LRRTM4: variants seen among roughly 807,000 people sequenced by gnomAD.
The protein encoded by LRRTM4 is leucine-rich repeat transmembrane neuronal protein 4.
A neutral mutation model predicts 47.6 loss-of-function variants in LRRTM4; 25 were observed. That is an observed-to-expected ratio of 0.53 (90% CI 0.38 to 0.73). LRRTM4 has a LOEUF of 0.73. LRRTM4 is among the 30% of genes least tolerant of loss of function. The pLI is 0.00. For missense variants in LRRTM4, 638 were observed against 713.4 expected (o/e 0.89, Z 1.20); for synonymous variants, 311 against 269.5 (o/e 1.15, Z -1.51).
chr2:77,334,530 C>T (rs551118020), intron 3 of LRRTM4, among the ~76,000 whole-genome samples: 4 of 152,168 alleles, frequency 2.6e-5, no homozygotes, highest in Admixed American at 6.5e-5. Flanking sequence ...TCTCTCTTTG[C>T]CTGCTGCCAT....
intron 3 of LRRTM4, among the ~76,000 whole-genome samples, chr2:76,816,096 G>A (rs1271888953): frequency 2.6e-5 from 4 of 152,058 alleles, no homozygotes; most frequent in African/African-American, 9.7e-5. Context: ...AGTCTGTACT[G>A]TATCCTCCCT....
intron 3 of LRRTM4, among the ~76,000 whole-genome samples, chr2:76,893,105 T>A (rs1673306964): frequency 6.6e-6 from 1 of 150,736 alleles, no homozygotes; most frequent in Non-Finnish European, 1.5e-5. Context: ...CCTGACCACG[T>A]AATTTGAATT....
rs768577274 is a variant in LRRTM4 at position 77,130,824 on chromosome 2, A to ATTTTTTTTTTTTTT, written c.1552-381922_1552-381909dup. On this transcript the variant is annotated intron_variant, in intron 3 of 3. Coordinates refer to ENST00000409884, the MANE Select transcript of LRRTM4 (RefSeq NM_001134745.3). ...CCGTGCCCGGCCAATTATTTGTTCT[A>ATTTTTTTTTTTTTT]TTTTTTTTTTTTTTTTTTTTTTTTT... Among the ~76,000 whole-genome samples the ATTTTTTTTTTTTTT allele has an allele frequency of 5.1e-4, 18 of 35,634 alleles. 2 individuals are homozygous for ATTTTTTTTTTTTTT. Among genetic ancestry groups the ATTTTTTTTTTTTTT allele is most frequent in the Non-Finnish European group, 5.2e-4 (11 of 20,974 alleles). The allele number at this position is 35,634 out of a possible 152,430, so 23.4% of individuals were successfully genotyped here.
intron 3 of LRRTM4, among the ~76,000 whole-genome samples, chr2:76,928,496 A>G (rs1183727657): frequency 1.3e-5 from 2 of 152,150 alleles, no homozygotes; most frequent in African/African-American, 2.4e-5. Flanking sequence ...TTTTGATGAT[A>G]TAGAACAATC....
At chr2:77,502,483 T>G (rs1303710865) in intron 3 of LRRTM4, among the ~76,000 whole-genome samples, 1 of 151,494 alleles carries the variant, frequency 6.6e-6, no homozygotes, top group African/African-American at 2.4e-5. Context: ...AAATAAAAAT[T>G]TATAAAGAAG....
At chr2:76,883,268 G>C (rs1243388920) in intron 3 of LRRTM4, among the ~76,000 whole-genome samples, 1 of 152,168 alleles carries the variant, frequency 6.6e-6, no homozygotes, top group Non-Finnish European at 1.5e-5. Context: ...GTCTGTGCTA[G>C]TATGAGCCCC....
At chr2:76,800,018 T>C (rs377404912) in intron 3 of LRRTM4, among the ~76,000 whole-genome samples, 4,184 of 149,384 alleles carry the variant, frequency 0.028, 100 homozygotes, top group Non-Finnish European at 0.046. Flanking sequence ...GTGAAAATGG[T>C]CATACTGCCC....
At chr2:77,287,659 C>T (rs1676702273) in intron 3 of LRRTM4, among the ~76,000 whole-genome samples, 1 of 152,072 alleles carries the variant, frequency 6.6e-6, no homozygotes, top group African/African-American at 2.4e-5. Context: ...TCTTTATCCA[C>T]TACAGAGTGG....
At chr2:77,052,100 C>G (rs907345411) in intron 3 of LRRTM4, among the ~76,000 whole-genome samples, 4 of 133,116 alleles carry the variant, frequency 3.0e-5, no homozygotes, top group South Asian at 2.4e-4. Flanking sequence ...CAAAGGAATA[C>G]AAAAGGATTC....
chr2:76,971,817 A>G (rs559793853), intron 3 of LRRTM4, among the ~76,000 whole-genome samples: 34 of 152,158 alleles, frequency 2.2e-4, no homozygotes, highest in African/African-American at 7.0e-4. Context: ...CTCCCACCCT[A>G]TATCAGGCCC....
At chr2:76,948,164 T>A (rs1675383789) in intron 3 of LRRTM4, among the ~76,000 whole-genome samples, 1 of 130,734 alleles carries the variant, frequency 7.6e-6, no homozygotes, top group South Asian at 2.1e-4. Flanking sequence ...GTCTATTCAA[T>A]GACAAAAAAA....
At chr2:76,975,595 G>T (rs1676392039) in intron 3 of LRRTM4, among the ~76,000 whole-genome samples, 1 of 151,566 alleles carries the variant, frequency 6.6e-6, no homozygotes, top group Non-Finnish European at 1.5e-5. Flanking sequence ...CAAAATAAAA[G>T]AAAATAATCA....
chr2:77,212,477 A>G (rs1354724650), intron 3 of LRRTM4, among the ~76,000 whole-genome samples: 1 of 141,352 alleles, frequency 7.1e-6, no homozygotes, highest in Non-Finnish European at 1.5e-5. Context: ...ATATATATAG[A>G]GAGAGAGAGA....
chr2:77,163,059 CA>C lies in LRRTM4; in HGVS notation c.1551+355258del, dbSNP rs1227008673. ...TAAAGGAGGATCTTGGAACCCATCA[CA>C]AAGAAGTTAAAACCCTTGAAAAAAG... is the stretch of plus-strand genomic sequence containing the variant. On this transcript the variant is annotated intron_variant, in intron 3 of 3. Coordinates refer to ENST00000409884, the MANE Select transcript of LRRTM4 (RefSeq NM_001134745.3). Among the ~76,000 whole-genome samples the C allele has an allele frequency of 1.1e-4, 17 of 152,144 alleles. 1 individual carries two copies. The highest frequency in any genetic ancestry group is 1.8e-4 in the Non-Finnish European group (12 of 67,994).
chr2:77,496,010 C>T (rs1678350244), intron 3 of LRRTM4, among the ~76,000 whole-genome samples: 1 of 151,942 alleles, frequency 6.6e-6, no homozygotes, highest in Non-Finnish European at 1.5e-5. Flanking sequence ...CAATCCACCT[C>T]ACCCATTACT....
intron 3 of LRRTM4, among the ~76,000 whole-genome samples, chr2:77,426,801 G>A (rs1200150883): frequency 7.4e-6 from 1 of 135,588 alleles, no homozygotes; most frequent in African/African-American, 2.9e-5. Context: ...ACACAGAGGT[G>A]TATGCACACA....
Position 77,175,074 on chromosome 2 carries a change from C to CTT in LRRTM4, c.1551+343242_1551+343243dup, listed in dbSNP as rs34057321. Reference sequence around the variant, plus strand: ...ATCTATTTTTCTTTATTTCTTTTTTCTTTTTTTTTTTTTTTGACACAGTCA... The same window carrying CTT: ...ATCTATTTTTCTTTATTTCTTTTTTCTTTTTTTTTTTTTTTTTGACACAGTCA... On this transcript the variant is annotated intron_variant, in intron 3 of 3. Transcript: ENST00000409884. Among the ~76,000 whole-genome samples, 928 of 138,388 alleles carry CTT rather than the reference C, an allele frequency of 6.7e-3. 12 individuals are homozygous for CTT. The highest frequency in any genetic ancestry group is 0.022 in the African/African-American group (831 of 37,494). The allele number at this position is 138,388 out of a possible 152,430, so 90.8% of individuals were successfully genotyped here. A position where few individuals can be genotyped will look rare whatever the true frequency, so the allele number is the denominator to read the frequency against.
At chr2:77,507,933 G>C (rs972874844) in intron 3 of LRRTM4, among the ~76,000 whole-genome samples, 6 of 152,250 alleles carry the variant, frequency 3.9e-5, no homozygotes, top group African/African-American at 1.4e-4. Context: ...ATGCTGACTA[G>C]TGGATCATGG....
intron 3 of LRRTM4, among the ~76,000 whole-genome samples, chr2:76,828,211 G>T (rs150204330): frequency 1.3e-5 from 2 of 151,912 alleles, no homozygotes; most frequent in Non-Finnish European, 2.9e-5. Flanking sequence ...TAAGCATGCC[G>T]TTTAGGGCAC....
Sources: gnomAD v4.1 joint callset for allele counts (sites outside exome capture counted in the v4.1 genomes callset) on GRCh38, gnomAD v4.1.1 for gene constraint, MANE v1.5 for transcripts, NCBI Gene and HGNC (gene_info 2026-07-23, HGNC 2026-07-21) for gene names.